ADGB: variants seen among roughly 807,000 people sequenced by gnomAD.
ADGB encodes androglobin.
ADGB carries 172 observed loss-of-function variants against 210.5 expected under a neutral mutation model. The observed-to-expected ratio is 0.82, with a 90% CI of 0.72 to 0.93. The LOEUF (loss-of-function observed/expected upper bound fraction) is 0.93. Among genes scored for constraint, ADGB ranks in the 40% least tolerant of loss-of-function variants. The probability of loss-of-function intolerance (pLI) is 0.00; values close to 1 mark genes in which losing one functional copy is unlikely to be tolerated. For missense variants in ADGB, 2,025 were observed against 1,964.8 expected (o/e 1.03, Z -0.58); for synonymous variants, 658 against 662.7 (o/e 0.99, Z 0.11).
At chr6:146,639,612 A>G (rs536108330) in intron 2 of ADGB, 1 of 152,128 alleles carries the variant, frequency 6.6e-6, no homozygotes, top group South Asian at 2.1e-4. Flanking sequence ...ATGATTCTAT[A>G]TCTAGAAAAC....
At chr6:146,691,374 G>T in intron 11 of ADGB, 84 bp downstream of exon 11, 1 of 1,035,584 alleles carries the variant, frequency 9.7e-7, no homozygotes, top group Non-Finnish European at 1.2e-6. Context: ...TGTATGTCAA[G>T]GTAAATCACC....
intron 2 of ADGB, among the ~76,000 whole-genome samples, chr6:146,640,217 CTG>C (rs1382648777): frequency 6.6e-6 from 1 of 151,826 alleles, no homozygotes; most frequent in Non-Finnish European, 1.5e-5. Context: ...CAGGAAGAAA[CTG>C]TTTTCCTGAA....
intron 27 of ADGB, among the ~76,000 whole-genome samples, chr6:146,760,284 T>A (rs1284033346): frequency 6.6e-6 from 1 of 151,816 alleles, no homozygotes; most frequent in African/African-American, 2.4e-5. Context: ...AAAGAGGCAA[T>A]CACTGTTCAC....
At chr6:146,733,771 T>A in intron 21 of ADGB, 122 bp from the exon 22 acceptor site, 1 of 1,064,854 alleles carries the variant, frequency 9.4e-7, no homozygotes, top group Non-Finnish European at 1.4e-6. Flanking sequence ...ATATTAAATA[T>A]GATGCTAACT....
In ADGB at chr6:146,802,019, T is replaced by TA. The variant is rs1431908358; in HGVS notation, c.4818+12dup. On this transcript the variant is annotated intron_variant, in intron 35 of 35. Transcript: ENST00000397944. The stretch of plus-strand genomic sequence containing the variant: ...ATGTATAAGGAAATGCAGGTGAGTC[T>TA]AAAAGCACATACATAGATTATAGTT... 3 of 1,518,812 alleles carry TA rather than the reference T, an allele frequency of 2.0e-6. No homozygotes were observed. The highest frequency in any genetic ancestry group is 2.6e-6 in the Non-Finnish European group (3 of 1,134,140). The allele number at this position is 1,518,812 out of a possible 1,614,324, so 94.1% of individuals were successfully genotyped here. A position where few individuals can be genotyped will look rare whatever the true frequency, so the allele number is the denominator to read the frequency against.
At chr6:146,811,611 T>A (rs1778304200) in intron 35 of ADGB, among the ~76,000 whole-genome samples, 1 of 152,148 alleles carries the variant, frequency 6.6e-6, no homozygotes, top group African/African-American at 2.4e-5. Context: ...TATTTTTTGC[T>A]ATTAATTGTT....
rs141136090 is a variant in ADGB at position 146,784,280 on chromosome 6, C to T, written c.4036-338C>T. Among the ~76,000 whole-genome samples, 563 of 152,224 alleles carry T rather than the reference C, an allele frequency of 3.7e-3. 3 individuals are homozygous for T. Among genetic ancestry groups the T allele is most frequent in the African/African-American group, 0.013 (532 of 41,552 alleles). Reference sequence around the variant, plus strand: ...AATTTCATACTAATGACATACAAGACGATGTACCCTTTTGTGTTCGACTTC... The same window carrying T: ...AATTTCATACTAATGACATACAAGATGATGTACCCTTTTGTGTTCGACTTC... On this transcript the variant is annotated intron_variant, in intron 30 of 35. Coordinates refer to ENST00000397944, the MANE Select transcript of ADGB (RefSeq NM_024694.4).
rs201126564 is a variant in ADGB, at chr6:146,811,963, C to T, written c.4819-3069C>T. Among the ~76,000 whole-genome samples the T allele has an allele frequency of 4.4e-3, 675 of 152,152 alleles. 10 individuals carry two copies. The South Asian group carries it at 0.046, about 10-fold the overall frequency. On this transcript the variant is annotated intron_variant, in intron 35 of 35. Coordinates refer to ENST00000397944, the MANE Select transcript of ADGB (RefSeq NM_024694.4). ...TGCTGGGATTACAGGTGTGAGCCAC[C>T]GTGCCCAGCCTGCTGTGTTTTTTAA...
At chr6:146,679,375 C>T (rs2114910070) in intron 9 of ADGB, among the ~76,000 whole-genome samples, 2 of 152,294 alleles carry the variant, frequency 1.3e-5, no homozygotes, top group South Asian at 4.1e-4. Context: ...AAGTCATGTA[C>T]ATGCACACAC....
rs760116592 is a variant in ADGB at position 146,717,077 on chromosome 6, T to C, written c.1928+8T>C. The C allele has an allele frequency of 6.5e-6, 10 of 1,545,770 alleles. No individual in the cohort carries two copies. Among genetic ancestry groups the C allele is most frequent in the African/African-American group, 1.4e-5 (1 of 72,930 alleles). On this transcript the variant is annotated splice_region_variant and intron_variant, in intron 15 of 35. Coordinates refer to ENST00000397944, the MANE Select transcript of ADGB (RefSeq NM_024694.4). ...TTTCTGTGTATGCTTTCAGTAAGTA[T>C]ACCAATGGGATCAATCTGACTATGT...
intron 31 of ADGB, 92 bp from the exon 32 acceptor site, chr6:146,785,518 T>C (rs957775181): frequency 6.0e-5 from 54 of 899,656 alleles, no homozygotes; most frequent in Non-Finnish European, 9.0e-5. Context: ...TTTTCCTGTT[T>C]CGTTTTCGAT....
At chr6:146,791,313 A>G (rs559502995) in intron 33 of ADGB, among the ~76,000 whole-genome samples, 360 of 152,044 alleles carry the variant, frequency 2.4e-3, no homozygotes, top group Non-Finnish European at 4.7e-3. Flanking sequence ...GTAGTTTTAT[A>G]CTTTCTGGAC....
At chr6:146,617,983 G>C (rs138587044) in intron 1 of ADGB, among the ~76,000 whole-genome samples, 1 of 151,828 alleles carries the variant, frequency 6.6e-6, no homozygotes, top group Admixed American at 6.6e-5. Context: ...TAACATAAAA[G>C]CTTGATTAAC....
intron 1 of ADGB, among the ~76,000 whole-genome samples, chr6:146,622,356 C>A (rs1352643823): frequency 6.6e-6 from 1 of 152,086 alleles, no homozygotes; most frequent in Non-Finnish European, 1.5e-5. Flanking sequence ...CCTGGAGATT[C>A]TGGAAAGAAT....
chr6:146,793,482 A>AGCTC (rs2114656219), intron 33 of ADGB, among the ~76,000 whole-genome samples: 1 of 152,218 alleles, frequency 6.6e-6, no homozygotes, highest in Non-Finnish European at 1.5e-5. Flanking sequence ...TCCAGAGAGG[A>AGCTC]GCTCTCTAGG....
At chr6:146,770,707 T>C in intron 29 of ADGB, 1 of 409,458 alleles carries the variant, frequency 2.4e-6, no homozygotes, top group Non-Finnish European at 5.3e-6. Context: ...GTTTTATCAA[T>C]ATTCCACGTA....
intron 8 of ADGB, among the ~76,000 whole-genome samples, chr6:146,673,538 C>T (rs1426628078): frequency 6.6e-6 from 1 of 152,060 alleles, no homozygotes; most frequent in Non-Finnish European, 1.5e-5. Flanking sequence ...TTACTATATG[C>T]TAATTATTAT....
chr6:146,654,427 G>A (rs1475810933), intron 4 of ADGB, among the ~76,000 whole-genome samples: 5 of 134,840 alleles, frequency 3.7e-5, no homozygotes, highest in Middle Eastern at 3.7e-3. Flanking sequence ...AACACAGCTC[G>A]GTGCAGTCTC....
In ADGB at chr6:146,784,723, A is replaced by G. The variant is rs1583637673; in HGVS notation, c.4141A>G (p.Thr1381Ala). The change falls in exon 31 of 36, where the codon ACA becomes GCA. Residue 1381 changes from threonine (T) to alanine (A), a missense_variant. Coordinates refer to ENST00000397944, the MANE Select transcript of ADGB (RefSeq NM_024694.4). ...AGAATTATTTGAAGTGAAAAAGGAT[A>G]CAGAAAGGGCAGATGAAATCCGAGC... Reference protein sequence around the residue: ...ESELFEVKKDTERADEIRAMK... With the variant: ...ESELFEVKKDAERADEIRAMK... 3 of 1,551,354 alleles carry G rather than the reference A, an allele frequency of 1.9e-6. No homozygotes were observed. In the East Asian group the frequency reaches 7.3e-5, roughly 38 times the overall value.
Sources: allele counts gnomAD v4.1 joint callset (sites outside exome capture counted in the v4.1 genomes callset), GRCh38; gene constraint gnomAD v4.1.1; transcripts MANE v1.5; gene names NCBI Gene and HGNC (gene_info 2026-07-23, HGNC 2026-07-21).